Variants in CNTNAP2 observed in about 807,000 individuals in gnomAD.
CNTNAP2 encodes contactin-associated protein-like 2.
A neutral mutation model predicts 155.2 loss-of-function variants in CNTNAP2; 98 were observed. The observed-to-expected ratio is 0.63, with a 90% CI of 0.54 to 0.75. The LOEUF (loss-of-function observed/expected upper bound fraction) is 0.75, where lower values mean the gene tolerates loss of function less well. Among genes scored for constraint, CNTNAP2 ranks in the 30% least tolerant of loss-of-function variants. The pLI is 0.00. For missense variants in CNTNAP2, 1,727 were observed against 1,688.1 expected (o/e 1.02, Z -0.40); for synonymous variants, 651 against 631.2 (o/e 1.03, Z -0.47).
chr7:146,352,841 G>A (rs1044005613), intron 1 of CNTNAP2, among the ~76,000 whole-genome samples: 10 of 134,172 alleles, frequency 7.5e-5, no homozygotes, highest in East Asian at 7.0e-4. Flanking sequence ...TGCAAGCTCC[G>A]CCTCCCGGGT....
intron 1 of CNTNAP2, among the ~76,000 whole-genome samples, chr7:146,276,926 A>G (rs540955120): frequency 6.6e-6 from 1 of 152,174 alleles, no homozygotes; most frequent in Non-Finnish European, 1.5e-5. Flanking sequence ...CCCAAAAGAC[A>G]TCCACCCAGT....
intron 11 of CNTNAP2, among the ~76,000 whole-genome samples, chr7:147,551,626 C>G (rs1325717959): frequency 6.6e-6 from 1 of 152,108 alleles, no homozygotes; most frequent in East Asian, 1.9e-4. Context: ...TGGAGAAAGC[C>G]ACTGCCTGGG....
At chr7:146,376,369 A>G (rs1019757781) in intron 1 of CNTNAP2, among the ~76,000 whole-genome samples, 6 of 152,098 alleles carry the variant, frequency 3.9e-5, no homozygotes, top group Non-Finnish European at 7.4e-5. Flanking sequence ...TCTCTCTTCT[A>G]AATAATCATT....
intron 1 of CNTNAP2, among the ~76,000 whole-genome samples, chr7:146,484,833 G>T (rs140247109): frequency 3.3e-5 from 5 of 152,198 alleles, no homozygotes; most frequent in African/African-American, 9.6e-5. Flanking sequence ...GGAGCATTAC[G>T]TCTTTCCTCC....
chr7:146,988,666 G>A (rs1798158265), intron 3 of CNTNAP2, among the ~76,000 whole-genome samples: 1 of 152,104 alleles, frequency 6.6e-6, no homozygotes, highest in Non-Finnish European at 1.5e-5. Context: ...ACTTGTCCAA[G>A]ATGCTGATAT....
At position 147,986,649 on chromosome 7, in the gene CNTNAP2, T is replaced by TTCCC. The variant is rs533746328; in HGVS notation, c.2383+8661_2383+8664dup. Reference sequence around the variant, plus strand: ...TTAATACAGCCTTCATCCTTAGTAATTCCCCAGGGCCAAGATGAATGTTGA... The same window carrying TTCCC: ...TTAATACAGCCTTCATCCTTAGTAATTCCCTCCCCAGGGCCAAGATGAATGTTGA... On this transcript the variant is annotated intron_variant, in intron 15 of 23. Transcript: ENST00000361727. 6.6e-5 allele frequency among the ~76,000 whole-genome samples: 10 copies of TTCCC among 152,252 alleles called. No individual in the cohort carries two copies. The South Asian group carries it at 1.9e-3, about 28-fold the overall frequency.
intron 8 of CNTNAP2, among the ~76,000 whole-genome samples, chr7:147,253,469 C>T (rs1804251185): frequency 6.6e-6 from 1 of 151,014 alleles, no homozygotes; most frequent in African/African-American, 2.4e-5. Context: ...ATTGCCCCTG[C>T]CATTTTCTTA....
intron 1 of CNTNAP2, among the ~76,000 whole-genome samples, chr7:146,431,689 G>A (rs940778253): frequency 1.7e-4 from 26 of 152,032 alleles, no homozygotes; most frequent in Admixed American, 2.6e-4. Context: ...ATAGACAAAA[G>A]TCACACCAAA....
intron 13 of CNTNAP2, among the ~76,000 whole-genome samples, chr7:147,755,087 C>A (rs6976194): frequency 6.6e-6 from 1 of 152,142 alleles, no homozygotes; most frequent in Non-Finnish European, 1.5e-5. Context: ...TGTAGTAAAT[C>A]GGGTGAAAAA....
intron 10 of CNTNAP2, among the ~76,000 whole-genome samples, chr7:147,456,640 T>A (rs2116578684): frequency 6.6e-6 from 1 of 152,128 alleles, no homozygotes; most frequent in South Asian, 2.1e-4. Flanking sequence ...AGAGGGAAAT[T>A]TGTTGCTGTG....
intron 4 of CNTNAP2, among the ~76,000 whole-genome samples, chr7:147,096,716 A>C (rs1800543076): frequency 1.3e-5 from 2 of 152,338 alleles, no homozygotes; most frequent in Non-Finnish European, 2.9e-5. Flanking sequence ...TTGTGTAAGT[A>C]CTGCTCATTT....
intron 14 of CNTNAP2, among the ~76,000 whole-genome samples, chr7:147,943,126 T>C (rs1444526358): frequency 3.3e-5 from 5 of 152,176 alleles, no homozygotes; most frequent in East Asian, 3.9e-4. Context: ...GCCTTTCTTA[T>C]GGCAACCAGA....
chr7:146,490,893 T>G (rs1197187161), intron 1 of CNTNAP2, among the ~76,000 whole-genome samples: 1 of 152,188 alleles, frequency 6.6e-6, no homozygotes, highest in South Asian at 2.1e-4. Flanking sequence ...CAGATAATTT[T>G]TTCTCACTTT....
At position 148,283,304 on chromosome 7, in the gene CNTNAP2, AAAGGAAGG is replaced by A. The variant is rs142651719; in HGVS notation, c.3475+16189_3475+16196del. 1.4e-3 allele frequency among the ~76,000 whole-genome samples: 124 copies of A among 89,418 alleles called. 8 individuals carry two copies. The highest frequency in any genetic ancestry group is 2.3e-3 in the African/African-American group (39 of 17,182). The allele number at this position is 89,418 out of a possible 152,430, so 58.7% of individuals were successfully genotyped here. A position where few individuals can be genotyped will look rare whatever the true frequency, so the allele number is the denominator to read the frequency against. On this transcript the variant is annotated intron_variant, in intron 21 of 23. Transcript: ENST00000361727. The stretch of plus-strand genomic sequence containing the variant: ...GAAAGAAAGAAAGAAAGAAAGAAAG[AAAGGAAGG>A]AAGGAAGGAAAGAAAGAAAGAATTC...
chr7:147,728,371 A>G (rs936975234), intron 13 of CNTNAP2, among the ~76,000 whole-genome samples: 11 of 152,094 alleles, frequency 7.2e-5, no homozygotes, highest in Non-Finnish European at 1.5e-4. Context: ...AATGTGTGTC[A>G]TATATTATTT....
intron 1 of CNTNAP2, among the ~76,000 whole-genome samples, chr7:146,292,149 CAG>C (rs1584852062): frequency 6.6e-6 from 1 of 152,128 alleles, no homozygotes; most frequent in East Asian, 1.9e-4. Context: ...CATTAATTAT[CAG>C]AGAATGAAAA....
chr7:147,394,421 T>G (rs1796774430), intron 9 of CNTNAP2, among the ~76,000 whole-genome samples: 1 of 151,992 alleles, frequency 6.6e-6, no homozygotes, highest in African/African-American at 2.4e-5. Flanking sequence ...GAACTTTGGT[T>G]CCATCCCATT....
At chr7:146,833,945 T>A (rs1477261954) in intron 2 of CNTNAP2, among the ~76,000 whole-genome samples, 1 of 152,212 alleles carries the variant, frequency 6.6e-6, no homozygotes, top group Non-Finnish European at 1.5e-5. Context: ...AAAAATACAG[T>A]GTATTTGAAG....
At chr7:146,337,740 G>A (rs1157996026) in intron 1 of CNTNAP2, among the ~76,000 whole-genome samples, 1 of 152,066 alleles carries the variant, frequency 6.6e-6, no homozygotes, top group Admixed American at 6.6e-5. Context: ...CCAAAGTGCT[G>A]GGATTACAGG....
Sources: allele counts gnomAD v4.1 joint callset (sites outside exome capture counted in the v4.1 genomes callset), GRCh38; gene constraint gnomAD v4.1.1; transcripts MANE v1.5; gene names NCBI Gene and HGNC (gene_info 2026-07-23, HGNC 2026-07-21).